Variants in NFAT5 observed in about 807,000 individuals in gnomAD.
NFAT5 encodes nuclear factor of activated T cells 5, also known as nuclear factor of activated T-cells 5.
Under a neutral mutation model 166.5 loss-of-function variants are expected in NFAT5, and 31 were observed. The observed-to-expected ratio is 0.19, with a 90% CI of 0.14 to 0.25. NFAT5 has a LOEUF of 0.25. Among genes scored for constraint, NFAT5 ranks in the 10% least tolerant of loss-of-function variants. The pLI is 1.00. For synonymous variants in NFAT5, 612 were observed against 639.7 expected (o/e 0.96, Z 0.65); for missense variants, 1,449 against 1,821.8 (o/e 0.80, Z 3.72).
rs2037903574 is a variant in NFAT5, at chr16:69,701,848, ATCC to A, written c.*5500_*5502del. 1 of 152,214 alleles carries A rather than the reference ATCC, an allele frequency of 6.6e-6. No homozygotes were observed. The highest frequency in any genetic ancestry group is 1.5e-5 in the Non-Finnish European group (1 of 68,032). 9.4% of individuals were successfully genotyped at this position (152,214 alleles called of 1,614,324 possible). ...GTTTATGTTAGTGTACTTCTTGTCT[ATCC>A]TCAGTTAATTTACCTAGACAAAAAG... On this transcript the variant is annotated 3_prime_UTR_variant, in exon 15 of 15. Transcript: ENST00000349945.
chr16:69,703,309 TATCA>T lies in NFAT5; in HGVS notation c.*6959_*6962del, dbSNP rs1468851911. The T allele has an allele frequency of 1.3e-5, 2 of 152,652 alleles. No homozygotes were observed. Among genetic ancestry groups the T allele is most frequent in the Non-Finnish European group, 2.9e-5 (2 of 68,046 alleles). 9.5% of individuals were successfully genotyped at this position (152,652 alleles called of 1,614,324 possible). A position where few individuals can be genotyped will look rare whatever the true frequency, so the allele number is the denominator to read the frequency against. On this transcript the variant is annotated 3_prime_UTR_variant, in exon 15 of 15. Coordinates refer to ENST00000349945, the MANE Select transcript of NFAT5 (RefSeq NM_138713.4). ...AGCTTGCTTTGTATAAGAACTAAGC[TATCA>T]GTATAGATATAGCTATCCTTGGAGC...
chr16:69,608,573 G>A (rs956625797), intron 2 of NFAT5, among the ~76,000 whole-genome samples: 2 of 151,440 alleles, frequency 1.3e-5, no homozygotes, highest in African/African-American at 2.4e-5. Flanking sequence ...TGGCTAACAC[G>A]GTGAAATCCT....
chr16:69,662,830 G>C (rs1161914456), intron 7 of NFAT5, among the ~76,000 whole-genome samples: 1 of 152,122 alleles, frequency 6.6e-6, no homozygotes, highest in East Asian at 1.9e-4. Context: ...GACCACTTAG[G>C]AAGCTTGATG....
At chr16:69,568,376 G>GTGTGTATA (rs1163472084) in intron 1 of NFAT5, 119 bp from the exon 2 acceptor site, 53 of 288,698 alleles carry the variant, frequency 1.8e-4, no homozygotes, top group Non-Finnish European at 2.7e-4. Flanking sequence ...GTGTGTGTGT[G>GTGTGTATA]TATATATATA....
intron 3 of NFAT5, among the ~76,000 whole-genome samples, chr16:69,643,825 A>T (rs148926710): frequency 6.6e-6 from 1 of 152,168 alleles, no homozygotes; most frequent in East Asian, 1.9e-4. Flanking sequence ...GATGAGAAAG[A>T]TATTGTCAGT....
intron 9 of NFAT5, among the ~76,000 whole-genome samples, chr16:69,673,805 T>C (rs1000297828): frequency 3.3e-5 from 5 of 152,130 alleles, no homozygotes; most frequent in Admixed American, 3.3e-4. Flanking sequence ...AGGGAATCTC[T>C]ACAATATTTA....
chr16:69,616,140 T>G (rs2033933309), intron 2 of NFAT5, among the ~76,000 whole-genome samples: 1 of 152,090 alleles, frequency 6.6e-6, no homozygotes, highest in Non-Finnish European at 1.5e-5. Context: ...CCCTCTTTAG[T>G]CAGTCTTCTA....
In NFAT5 at chr16:69,568,774, A is replaced by G. The variant is rs114623100; in HGVS notation, c.127+226A>G. Among the ~76,000 whole-genome samples, 449 of 152,290 alleles carry G rather than the reference A, an allele frequency of 2.9e-3. 4 individuals carry two copies. The highest frequency in any genetic ancestry group is 0.01 in the African/African-American group (424 of 41,548). On this transcript the variant is annotated intron_variant, in intron 2 of 14. Transcript: ENST00000349945. ...CTGCTTTGAGAAACATTGAAAAAAAAATCATTTTAAATTATGTGTTGAGTG... is the reference window on the plus strand; with the variant it reads ...CTGCTTTGAGAAACATTGAAAAAAAGATCATTTTAAATTATGTGTTGAGTG...
At chr16:69,660,369 G>T (rs1259776055) in intron 7 of NFAT5, among the ~76,000 whole-genome samples, 1 of 152,236 alleles carries the variant, frequency 6.6e-6, no homozygotes, top group Non-Finnish European at 1.5e-5. Context: ...GGTCAAGGCT[G>T]CAGTGAGCCT....
chr16:69,656,377 A>G (rs774094306), intron 6 of NFAT5, among the ~76,000 whole-genome samples: 1 of 151,906 alleles, frequency 6.6e-6, no homozygotes, highest in Non-Finnish European at 1.5e-5. Flanking sequence ...TTGGGTTTAT[A>G]ATAGTAACAT....
intron 10 of NFAT5, among the ~76,000 whole-genome samples, chr16:69,678,147 G>A (rs943432232): frequency 3.3e-5 from 5 of 151,732 alleles, no homozygotes; most frequent in African/African-American, 1.2e-4. Context: ...GATAGAGCGA[G>A]ACTGTCTCAA....
chr16:69,690,640 G>A (rs1400151869), intron 11 of NFAT5: 1 of 165,302 alleles, frequency 6.0e-6, no homozygotes, highest in Admixed American at 6.4e-5. Context: ...TCTTGGTCAG[G>A]TTGGGTAGTA....
At chr16:69,569,726 T>C (rs1220956713) in intron 2 of NFAT5, among the ~76,000 whole-genome samples, 2 of 152,362 alleles carry the variant, frequency 1.3e-5, no homozygotes, top group Admixed American at 6.5e-5. Flanking sequence ...AGTTTTTTCC[T>C]TTAGTATCAG....
chr16:69,653,575 AT>A (rs61344735), intron 5 of NFAT5, 147 bp downstream of exon 5: 93,763 of 353,254 alleles, frequency 0.27, 2,452 homozygotes, highest in East Asian at 0.37. Flanking sequence ...TTTAGAAAGA[AT>A]TTTTTTTTTT....
chr16:69,596,485 T>C (rs2032796408), intron 2 of NFAT5, among the ~76,000 whole-genome samples: 1 of 152,082 alleles, frequency 6.6e-6, no homozygotes, highest in South Asian at 2.1e-4. Context: ...TTTGGGAGGC[T>C]GAGGCGGGCA....
chr16:69,624,480 C>G (rs1057186239), intron 2 of NFAT5, among the ~76,000 whole-genome samples: 1 of 152,186 alleles, frequency 6.6e-6, no homozygotes, highest in Admixed American at 6.5e-5. Flanking sequence ...GTTGGGATTA[C>G]AGGTGTGAGC....
rs531998576 is a variant in NFAT5 at position 69,671,761 on chromosome 16, A to G, written c.1557+1473A>G. 2.0e-5 allele frequency among the ~76,000 whole-genome samples: 3 copies of G among 152,358 alleles called. No individual in the cohort carries two copies. The South Asian group carries it at 6.2e-4, about 32-fold the overall frequency. ...AAGGTCTCGGAGTGTCCCAGGCACT[A>G]ACCTTCTGTCATCCTCAGGAAGACA... On this transcript the variant is annotated intron_variant, in intron 9 of 14. Coordinates refer to ENST00000349945, the MANE Select transcript of NFAT5 (RefSeq NM_138713.4).
chr16:69,589,899 G>A (rs2032353099), intron 2 of NFAT5, among the ~76,000 whole-genome samples: 1 of 152,096 alleles, frequency 6.6e-6, no homozygotes, highest in Non-Finnish European at 1.5e-5. Flanking sequence ...GCTGACATCT[G>A]TGATCCCAGC....
intron 2 of NFAT5, among the ~76,000 whole-genome samples, chr16:69,591,728 A>G (rs2032472822): frequency 6.6e-6 from 1 of 152,122 alleles, no homozygotes; most frequent in Non-Finnish European, 1.5e-5. Flanking sequence ...TCAGAAATTG[A>G]AAGTTGGCTT....
Sources: gnomAD v4.1 joint callset for allele counts (sites outside exome capture counted in the v4.1 genomes callset) on GRCh38, gnomAD v4.1.1 for gene constraint, MANE v1.5 for transcripts, NCBI Gene and HGNC (gene_info 2026-07-23, HGNC 2026-07-21) for gene names.